LIN54: variants seen among roughly 807,000 people sequenced by gnomAD.
LIN54 encodes lin-54 DREAM MuvB core complex component.
Under a neutral mutation model 78.7 loss-of-function variants are expected in LIN54, and 9 were observed. The observed-to-expected ratio is 0.11, with a 90% CI of 0.07 to 0.20. LIN54 has a LOEUF of 0.20. Ranked by LOEUF, LIN54 falls within the 10% of genes least tolerant of loss-of-function variation. The probability of loss-of-function intolerance (pLI) is 1.00; values close to 1 mark genes in which losing one functional copy is unlikely to be tolerated. For missense variants in LIN54, 573 were observed against 889.9 expected, an observed-to-expected ratio of 0.64 and a Z score of 4.53; for synonymous variants, 269 against 318.4, an observed-to-expected ratio of 0.84 and a Z score of 1.65.
At chr4:82,959,718 G>GCT (rs1724635434) in intron 4 of LIN54, among the ~76,000 whole-genome samples, 2 of 151,936 alleles carry the variant, frequency 1.3e-5, no homozygotes, top group African/African-American at 4.8e-5. Flanking sequence ...TGTGTCCACA[G>GCT]ATATTACATG....
At chr4:82,993,390 G>A (rs1727912395) in intron 1 of LIN54, among the ~76,000 whole-genome samples, 1 of 149,100 alleles carries the variant, frequency 6.7e-6, no homozygotes, top group Non-Finnish European at 1.5e-5. Context: ...CTAATTTTTT[G>A]TATTTTTAGT....
At chr4:82,951,799 A>G (rs1317088199) in intron 4 of LIN54, among the ~76,000 whole-genome samples, 3 of 152,014 alleles carry the variant, frequency 2.0e-5, no homozygotes, top group Non-Finnish European at 4.4e-5. Context: ...CAGAATAGAG[A>G]GCCCTAAGGA....
intron 4 of LIN54, among the ~76,000 whole-genome samples, chr4:82,961,723 C>T (rs932096959): frequency 9.2e-5 from 14 of 152,108 alleles, no homozygotes; most frequent in South Asian, 2.1e-4. Context: ...CAGGCTGAAG[C>T]GGGCGGATCA....
At chr4:82,990,043 A>G (rs1727527288) in intron 1 of LIN54, among the ~76,000 whole-genome samples, 1 of 152,150 alleles carries the variant, frequency 6.6e-6, no homozygotes, top group African/African-American at 2.4e-5. Context: ...GAGGACTTTC[A>G]TTCTCCCCAT....
chr4:82,974,836 G>A (rs976590662), intron 3 of LIN54, among the ~76,000 whole-genome samples: 6 of 147,090 alleles, frequency 4.1e-5, no homozygotes, highest in Non-Finnish European at 9.0e-5. Flanking sequence ...TCCAGCCTGA[G>A]TGACAGAGTG....
chr4:82,945,291 A>G (rs1723265894), intron 5 of LIN54, among the ~76,000 whole-genome samples: 1 of 152,186 alleles, frequency 6.6e-6, no homozygotes, highest in Non-Finnish European at 1.5e-5. Flanking sequence ...ACAAGGAAAC[A>G]CGTAAGCCCT....
At chr4:82,936,146 G>C (rs779604159) in intron 10 of LIN54, 28 bp from the exon 11 acceptor site, 1 of 1,613,064 alleles carries the variant, frequency 6.2e-7, no homozygotes, top group East Asian at 2.2e-5. Context: ...ATATCAGTTA[G>C]AGTTAAATCA....
rs749496567 is a variant in LIN54 at position 82,946,271 on chromosome 4, C to A, written c.1155G>T (p.Gln385His). ...PVSQNPSTNT[Q>H]PLQQAKPVVV... is the part of the protein sequence containing the mutation. ...ATGGTTACTAACCTTGCTGAAGAGG[C>A]TGAGTGTTTGTACTGGGATTCTGAC... The change falls in exon 5 of 13, where the codon CAG becomes CAT. Residue 385 changes from glutamine (Q) to histidine (H), a missense_variant. Gln to His is a conservative substitution (Grantham distance 24, BLOSUM62 0). Around this residue, in one of 6 missense-constraint regions of LIN54, gnomAD observed 199 missense variants for 260.9 expected, o/e 0.76. Transcript: ENST00000340417. The A allele has an allele frequency of 6.2e-7, 1 of 1,613,694 alleles. No homozygotes were observed. The highest frequency in any genetic ancestry group is 1.1e-5 in the South Asian group (1 of 91,070).
At chr4:82,945,136 T>C (rs1488413397) in intron 5 of LIN54, among the ~76,000 whole-genome samples, 5 of 152,124 alleles carry the variant, frequency 3.3e-5, no homozygotes, top group Non-Finnish European at 5.9e-5. Context: ...ATTACAGGAG[T>C]GAGCCACAGC....
At chr4:82,962,295 T>C (rs1426780296) in intron 4 of LIN54, among the ~76,000 whole-genome samples, 1 of 152,210 alleles carries the variant, frequency 6.6e-6, no homozygotes, top group Admixed American at 6.5e-5. Flanking sequence ...ATTTCAGCTC[T>C]AAAAGTTCAA....
chr4:83,006,423 T>C (rs1288666585), intron 1 of LIN54, among the ~76,000 whole-genome samples: 1 of 142,136 alleles, frequency 7.0e-6, no homozygotes, highest in Non-Finnish European at 1.5e-5. Flanking sequence ...CACTTCAGCC[T>C]GAGTGACAGA....
intron 1 of LIN54, among the ~76,000 whole-genome samples, chr4:82,991,971 C>A (rs1199138467): frequency 6.6e-6 from 1 of 152,002 alleles, no homozygotes; most frequent in Admixed American, 6.6e-5. Context: ...ATAATGCTAG[C>A]CTAATAAAAT....
intron 1 of LIN54, among the ~76,000 whole-genome samples, chr4:83,001,174 T>C (rs1324609401): frequency 6.6e-6 from 1 of 152,136 alleles, no homozygotes; most frequent in East Asian, 1.9e-4. Flanking sequence ...CATGATTTCA[T>C]AGGATTTATG....
chr4:82,938,561 A>C (rs956814987), intron 7 of LIN54, 57 bp from the exon 8 acceptor site: 1 of 904,028 alleles, frequency 1.1e-6, no homozygotes, highest in African/African-American at 1.7e-5. Context: ...CAATACTGTC[A>C]GGTATGATGA....
At chr4:82,938,575 G>A in intron 7 of LIN54, 71 bp from the exon 8 acceptor site, 2 of 812,752 alleles carry the variant, frequency 2.5e-6, no homozygotes, top group East Asian at 2.5e-5. Context: ...ATGATGATCA[G>A]TAAGAAATAC....
chr4:82,970,235 A>G, intron 4 of LIN54, 92 bp downstream of exon 4: 1 of 1,146,084 alleles, frequency 8.7e-7, no homozygotes, highest in Non-Finnish European at 1.2e-6. Context: ...TTGCTTGGGA[A>G]TGTACTAAAA....
chr4:82,979,020 A>G lies in LIN54; in HGVS notation c.685-14T>C, dbSNP rs200595296. ...CTTCTTAGCAATCTGAAACATATAAATAACTATGAAGACCATCTGTTTCTA... is the reference window on the plus strand; with the variant it reads ...CTTCTTAGCAATCTGAAACATATAAGTAACTATGAAGACCATCTGTTTCTA... On this transcript the variant is annotated splice_polypyrimidine_tract_variant and intron_variant, in intron 2 of 12. Coordinates refer to ENST00000340417, the MANE Select transcript of LIN54 (RefSeq NM_194282.4). The G allele has an allele frequency of 8.5e-4, 1,318 of 1,549,990 alleles. 1 individual carries two copies. Among genetic ancestry groups the G allele is most frequent in the Non-Finnish European group, 1.0e-3 (1,194 of 1,137,490 alleles).
intron 1 of LIN54, among the ~76,000 whole-genome samples, chr4:82,991,154 GAAA>G (rs56936823): frequency 2.3e-5 from 2 of 86,318 alleles, no homozygotes; most frequent in Non-Finnish European, 2.4e-5. Flanking sequence ...TGTCTCTTAA[GAAA>G]AAAAAAAAAA....
At chr4:82,942,899 C>T (rs916219791) in intron 5 of LIN54, among the ~76,000 whole-genome samples, 14 of 151,644 alleles carry the variant, frequency 9.2e-5, no homozygotes, top group Non-Finnish European at 1.3e-4. Flanking sequence ...CACACCCTCC[C>T]TCCCTCCCTG....
Sources: allele counts gnomAD v4.1 joint callset (sites outside exome capture counted in the v4.1 genomes callset), GRCh38; gene constraint gnomAD v4.1.1; regional missense constraint gnomAD v4.1.1; transcripts MANE v1.5; gene names NCBI Gene and HGNC (gene_info 2026-07-23, HGNC 2026-07-21).